The following NELL2 variants were observed in gnomAD, a reference collection of about 807,000 sequenced individuals.
NELL2 encodes the protein protein kinase C-binding protein NELL2.
Under a neutral mutation model 109.6 loss-of-function variants are expected in NELL2, and 41 were observed. The observed-to-expected ratio is 0.37, with a 90% CI of 0.29 to 0.49. The LOEUF (loss-of-function observed/expected upper bound fraction) is 0.49. Ranked by LOEUF, NELL2 falls within the 20% of genes least tolerant of loss-of-function variation. NELL2 has a pLI of 0.98. For synonymous variants in NELL2, 355 were observed against 344.7 expected (o/e 1.03, Z -0.33); for missense variants, 900 against 1,008.3 (o/e 0.89, Z 1.45).
At chr12:44,586,036 CTA>C (rs960247304) in intron 15 of NELL2, among the ~76,000 whole-genome samples, 1 of 151,698 alleles carries the variant, frequency 6.6e-6, no homozygotes, top group Admixed American at 6.6e-5. Flanking sequence ...CCTATTTGTT[CTA>C]TGACTTGCTA....
intron 1 of NELL2, among the ~76,000 whole-genome samples, chr12:44,919,959 C>T (rs539673006): frequency 3.3e-5 from 5 of 151,996 alleles, no homozygotes; most frequent in African/African-American, 9.7e-5. Flanking sequence ...ATTCATAAGC[C>T]GAAGTTGATT....
chr12:44,590,579 TA>T (rs1944708223), intron 15 of NELL2, among the ~76,000 whole-genome samples: 1 of 152,304 alleles, frequency 6.6e-6, no homozygotes, highest in African/African-American at 2.4e-5. Context: ...AACCATTTCA[TA>T]AAATACTGGA....
intron 13 of NELL2, among the ~76,000 whole-genome samples, chr12:44,622,095 T>C (rs1350721587): frequency 1.3e-5 from 2 of 152,148 alleles, no homozygotes; most frequent in African/African-American, 4.8e-5. Flanking sequence ...TTGATACATA[T>C]GGATGAATCA....
chr12:44,657,289 C>T (rs1340898455), intron 13 of NELL2, among the ~76,000 whole-genome samples: 2 of 152,092 alleles, frequency 1.3e-5, no homozygotes, highest in African/African-American at 2.4e-5. Context: ...ATATTTAACT[C>T]ATTTAATATT....
rs191586596 is a variant in NELL2 at position 44,629,295 on chromosome 12, T to A, written c.1445-18325A>T. 4.9e-4 allele frequency among the ~76,000 whole-genome samples: 74 copies of A among 152,304 alleles called. No homozygotes were observed. The Middle Eastern group carries it at 0.014, about 28-fold the overall frequency. On this transcript the variant is annotated intron_variant, in intron 13 of 19. Coordinates refer to ENST00000429094, the MANE Select transcript of NELL2 (RefSeq NM_001145108.2). ...AAATCATTTTGAAATAATCTCAGAA[T>A]TTAAAAAAATTAAATTTTATTGAAA...
chr12:44,759,522 G>C (rs1196501952), intron 9 of NELL2, among the ~76,000 whole-genome samples: 1 of 152,140 alleles, frequency 6.6e-6, no homozygotes, highest in Non-Finnish European at 1.5e-5. Context: ...CCAACCATCT[G>C]AACTGACACA....
chr12:44,779,585 C>T, intron 5 of NELL2, 78 bp downstream of exon 5: 5 of 1,150,868 alleles, frequency 4.3e-6, no homozygotes, highest in Non-Finnish European at 6.3e-6. Context: ...TGTTTCACAC[C>T]ATAAAAAGTA....
rs531819680 is a variant in NELL2 at position 44,607,189 on chromosome 12, G to A, written c.1643C>T (p.Thr548Ile). ...ANVCACPQGFTGPSCETDIDE... is the reference protein window; with the variant it reads ...ANVCACPQGFIGPSCETDIDE... ...CTTACCCGTTTCACAGCTGGGTCCA[G>A]TGAAGCCTTGTGGGCAGGCACACAC... The change falls in exon 15 of 20, where the codon ACT becomes ATT. Residue 548 changes from threonine to isoleucine, a missense_variant. Physicochemically the swap from Thr to Ile is moderately conservative, Grantham distance 89. Coordinates refer to ENST00000429094, the MANE Select transcript of NELL2 (RefSeq NM_001145108.2). The A allele has an allele frequency of 6.2e-7, 1 of 1,612,470 alleles. No individual in the cohort carries two copies. Among genetic ancestry groups the A allele is most frequent in the African/African-American group, 1.3e-5 (1 of 74,898 alleles).
At chr12:44,538,564 G>C (rs1824556500) in intron 15 of NELL2, among the ~76,000 whole-genome samples, 1 of 152,186 alleles carries the variant, frequency 6.6e-6, no homozygotes, top group South Asian at 2.1e-4. Flanking sequence ...TAATAGGAGA[G>C]TGATGTGGAA....
chr12:44,729,429 G>A (rs73285409), intron 9 of NELL2, among the ~76,000 whole-genome samples: 11,329 of 151,708 alleles, frequency 0.075, 1,368 homozygotes, highest in African/African-American at 0.25. Flanking sequence ...AGACAACAAA[G>A]GAGAAAAAGC....
At chr12:44,903,448 A>C (rs558324850) in intron 1 of NELL2, among the ~76,000 whole-genome samples, 2 of 152,274 alleles carry the variant, frequency 1.3e-5, no homozygotes, top group East Asian at 1.9e-4. Flanking sequence ...TGGGAGTGTA[A>C]ATTAGTTCAA....
chr12:44,882,857 T>C (rs1945430671), intron 1 of NELL2, among the ~76,000 whole-genome samples: 1 of 144,984 alleles, frequency 6.9e-6, no homozygotes, highest in African/African-American at 2.6e-5. Context: ...TTTTTTTTTT[T>C]TGAGACAGAG....
intron 3 of NELL2, among the ~76,000 whole-genome samples, chr12:44,803,662 A>G (rs1228403059): frequency 6.6e-6 from 1 of 152,022 alleles, no homozygotes; most frequent in Non-Finnish European, 1.5e-5. Context: ...CATGCTGCAT[A>G]TATGTGATGG....
chr12:44,668,396 C>T (rs978867744), intron 12 of NELL2, among the ~76,000 whole-genome samples: 3 of 152,124 alleles, frequency 2.0e-5, no homozygotes, highest in African/African-American at 4.8e-5. Context: ...CATGTGCCCT[C>T]CTGGGGGCTG....
intron 12 of NELL2, among the ~76,000 whole-genome samples, chr12:44,670,904 C>T (rs1214063164): frequency 6.6e-6 from 1 of 152,108 alleles, no homozygotes; most frequent in Non-Finnish European, 1.5e-5. Context: ...GACAGAAAAT[C>T]AACAAAGAAA....
intron 2 of NELL2, among the ~76,000 whole-genome samples, chr12:44,869,351 T>C (rs1327974387): frequency 6.6e-6 from 1 of 152,224 alleles, no homozygotes; most frequent in Non-Finnish European, 1.5e-5. Context: ...GTCAGCTCCA[T>C]GCTCTGGGCT....
At chr12:44,915,010 C>T (rs920103542), upstream of NELL2, among the ~76,000 whole-genome samples, 1 of 141,512 alleles carries the variant, frequency 7.1e-6, no homozygotes, top group Non-Finnish European at 1.5e-5. Flanking sequence ...CCACCACGCC[C>T]GGCTAATTTT....
chr12:44,638,755 T>C (rs1946739766), intron 13 of NELL2, among the ~76,000 whole-genome samples: 1 of 152,220 alleles, frequency 6.6e-6, no homozygotes, highest in Non-Finnish European at 1.5e-5. Flanking sequence ...TCACTTGCTT[T>C]GTTCAACAGC....
upstream of NELL2, among the ~76,000 whole-genome samples, chr12:44,916,692 A>C (rs967094118): frequency 6.6e-6 from 1 of 152,212 alleles, no homozygotes; most frequent in Non-Finnish European, 1.5e-5. Context: ...TATGTAAGTC[A>C]AGAAAATGAC....
Sources: allele counts gnomAD v4.1 joint callset (sites outside exome capture counted in the v4.1 genomes callset), GRCh38; gene constraint gnomAD v4.1.1; transcripts MANE v1.5; gene names NCBI Gene and HGNC (gene_info 2026-07-23, HGNC 2026-07-21).